EPB41L4A: variants seen among roughly 807,000 people sequenced by gnomAD.
The protein encoded by EPB41L4A is erythrocyte membrane protein band 4.1 like 4A, also known as band 4.1-like protein 4A.
In EPB41L4A, 100 loss-of-function variants were observed where a neutral mutation model predicts 108.6. That is an observed-to-expected ratio of 0.92 (90% CI 0.78 to 1.09). EPB41L4A has a LOEUF of 1.09. Ranked by LOEUF, EPB41L4A falls within the 50% of genes least tolerant of loss-of-function variation. The probability of loss-of-function intolerance (pLI) is 0.00; values close to 1 mark genes in which losing one functional copy is unlikely to be tolerated. For synonymous variants in EPB41L4A, 319 were observed against 289.0 expected, an observed-to-expected ratio of 1.10 and a Z score of -1.05; for missense variants, 1,030 against 842.7, an observed-to-expected ratio of 1.22 and a Z score of -2.75.
chr5:112,245,677 G>A (rs1750157894), intron 9 of EPB41L4A, among the ~76,000 whole-genome samples: 1 of 152,164 alleles, frequency 6.6e-6, no homozygotes, highest in South Asian at 2.1e-4. Flanking sequence ...CTGATTTTGA[G>A]GTCCCATGGG....
At chr5:112,398,666 G>C (rs1054162555) in intron 1 of EPB41L4A, among the ~76,000 whole-genome samples, 2 of 152,112 alleles carry the variant, frequency 1.3e-5, no homozygotes, top group Non-Finnish European at 2.9e-5. Context: ...TGGGATTACA[G>C]GCTTCTGAAC....
chr5:112,264,859 T>C (rs747362209), intron 6 of EPB41L4A, 37 bp downstream of exon 6: 10 of 1,592,856 alleles, frequency 6.3e-6, no homozygotes, highest in Admixed American at 1.8e-5. Flanking sequence ...TGATGACTGA[T>C]GGATGATGCA....
At chr5:112,297,205 G>A (rs551290548) in intron 2 of EPB41L4A, among the ~76,000 whole-genome samples, 1 of 152,250 alleles carries the variant, frequency 6.6e-6, no homozygotes, top group South Asian at 2.1e-4. Context: ...GTTCCTTAAG[G>A]AATCTCCACA....
chr5:112,419,766 A>T (rs1322717982), upstream of EPB41L4A: 5 of 456,618 alleles, frequency 1.1e-5, no homozygotes, highest in Non-Finnish European at 2.2e-5. Context: ...TACCCAGACC[A>T]GCGAGGGGAG....
At chr5:112,254,407 C>G (rs1750920599) in intron 9 of EPB41L4A, among the ~76,000 whole-genome samples, 1 of 152,202 alleles carries the variant, frequency 6.6e-6, no homozygotes, top group South Asian at 2.1e-4. Flanking sequence ...CTCTGTCTGC[C>G]TCTGTGCTCA....
downstream of EPB41L4A, among the ~76,000 whole-genome samples, chr5:112,158,674 C>T (rs571864894): frequency 6.6e-6 from 1 of 151,574 alleles, no homozygotes; most frequent in Non-Finnish European, 1.5e-5. Flanking sequence ...GGGAAGCAAA[C>T]ACATCCTTTT....
intron 1 of EPB41L4A, among the ~76,000 whole-genome samples, chr5:112,392,084 T>G (rs1406795916): frequency 6.6e-6 from 1 of 151,878 alleles, no homozygotes; most frequent in Admixed American, 6.6e-5. Context: ...GCACTAAACA[T>G]GGAAAGGAAC....
At chr5:112,305,084 G>T (rs1036936078) in intron 2 of EPB41L4A, among the ~76,000 whole-genome samples, 4 of 152,130 alleles carry the variant, frequency 2.6e-5, no homozygotes, top group Admixed American at 6.6e-5. Context: ...TGAAAGTCAG[G>T]ATATTACAGT....
At chr5:112,406,866 T>C (rs189772366) in intron 1 of EPB41L4A, among the ~76,000 whole-genome samples, 7 of 152,156 alleles carry the variant, frequency 4.6e-5, no homozygotes, top group South Asian at 2.1e-4. Context: ...CTGTAGAAAG[T>C]GTGGGCTGGA....
chr5:112,186,799 G>A (rs1029824361), intron 17 of EPB41L4A, among the ~76,000 whole-genome samples: 3 of 152,048 alleles, frequency 2.0e-5, no homozygotes, highest in Non-Finnish European at 4.4e-5. Context: ...TTCCACTGCT[G>A]AACCGCTCCA....
At chr5:112,370,064 AC>A (rs1561615910) in intron 1 of EPB41L4A, among the ~76,000 whole-genome samples, 2 of 151,912 alleles carry the variant, frequency 1.3e-5, no homozygotes, top group African/African-American at 4.8e-5. Context: ...TTACTTTGTC[AC>A]CCGGGCTAAA....
chr5:112,348,439 T>C (rs960994220), intron 1 of EPB41L4A, among the ~76,000 whole-genome samples: 10 of 152,230 alleles, frequency 6.6e-5, no homozygotes, highest in African/African-American at 1.9e-4. Context: ...AAAACCTACT[T>C]TATGGGAAGC....
At chr5:112,182,372 A>G (rs1361561985) in intron 18 of EPB41L4A, among the ~76,000 whole-genome samples, 1 of 152,242 alleles carries the variant, frequency 6.6e-6, no homozygotes, top group African/African-American at 2.4e-5. Flanking sequence ...TAACTGAATT[A>G]TAGTAATAAC....
chr5:112,394,773 A>T (rs1332714751), intron 1 of EPB41L4A, among the ~76,000 whole-genome samples: 2 of 152,212 alleles, frequency 1.3e-5, no homozygotes, highest in Non-Finnish European at 1.5e-5. Flanking sequence ...AAAAGAGCCC[A>T]CATTGCCAAG....
intron 12 of EPB41L4A, among the ~76,000 whole-genome samples, chr5:112,147,666 C>A (rs1417515343): frequency 1.3e-5 from 2 of 148,286 alleles, no homozygotes; most frequent in African/African-American, 5.0e-5. Context: ...ATTAGCAAAT[C>A]CATAATGAAA....
intron 1 of EPB41L4A, among the ~76,000 whole-genome samples, chr5:112,376,627 C>T (rs1169677432): frequency 6.6e-6 from 1 of 152,140 alleles, no homozygotes; most frequent in Non-Finnish European, 1.5e-5. Flanking sequence ...TGATAAACAA[C>T]CCACACATCC....
intron 1 of EPB41L4A, among the ~76,000 whole-genome samples, chr5:112,401,371 T>C (rs994644812): frequency 6.6e-6 from 1 of 152,230 alleles, no homozygotes; most frequent in Non-Finnish European, 1.5e-5. Context: ...TCTGAGGAAT[T>C]CTTTCTTCAT....
intron 1 of EPB41L4A, among the ~76,000 whole-genome samples, chr5:112,312,094 T>C (rs552820365): frequency 6.0e-4 from 91 of 152,276 alleles, no homozygotes; most frequent in African/African-American, 2.2e-3. Context: ...CCAGCAGAAA[T>C]GTTAGGGTTT....
At chr5:112,188,150 C>A (rs527951241) in intron 17 of EPB41L4A, among the ~76,000 whole-genome samples, 3 of 152,334 alleles carry the variant, frequency 2.0e-5, no homozygotes, top group East Asian at 1.9e-4. Flanking sequence ...CAGGCCCCAA[C>A]TGATTGTGAA....
Sources: allele counts gnomAD v4.1 joint callset (sites outside exome capture counted in the v4.1 genomes callset), GRCh38; gene constraint gnomAD v4.1.1; transcripts MANE v1.5; gene names NCBI Gene and HGNC (gene_info 2026-07-23, HGNC 2026-07-21).